Variants in AGBL1 observed in about 807,000 individuals in gnomAD.
AGBL1 encodes cytosolic carboxypeptidase 4.
A neutral mutation model predicts 118.9 loss-of-function variants in AGBL1; 130 were observed. The ratio of observed to expected loss-of-function variants is 1.09; its 90% confidence interval spans 0.95 to 1.26. The LOEUF is 1.26. Among genes scored for constraint, AGBL1 ranks in the 50% most tolerant of loss-of-function variants. The pLI is 0.00. For missense variants in AGBL1, 1,584 were observed against 1,298.1 expected (o/e 1.22, Z -3.38); for synonymous variants, 555 against 478.9 (o/e 1.16, Z -2.08).
At chr15:86,581,230 G>A (rs929459514) in intron 21 of AGBL1, among the ~76,000 whole-genome samples, 4 of 152,058 alleles carry the variant, frequency 2.6e-5, no homozygotes, top group South Asian at 2.1e-4. Context: ...CAATATATAC[G>A]ACATTTAAGC....
chr15:87,027,846 C>G (rs555419523), intron 24 of AGBL1, among the ~76,000 whole-genome samples: 3 of 151,846 alleles, frequency 2.0e-5, no homozygotes, highest in Non-Finnish European at 4.4e-5. Flanking sequence ...AACACATGGA[C>G]ACATCAAGGG....
intron 23 of AGBL1, among the ~76,000 whole-genome samples, chr15:86,923,801 A>C (rs1440083774): frequency 6.6e-6 from 1 of 152,166 alleles, no homozygotes; most frequent in Non-Finnish European, 1.5e-5. Flanking sequence ...TCCTCATTAT[A>C]TGAACTACCT....
At chr15:87,016,909 G>C (rs996327593) in intron 24 of AGBL1, among the ~76,000 whole-genome samples, 2 of 152,162 alleles carry the variant, frequency 1.3e-5, no homozygotes, top group African/African-American at 4.8e-5. Context: ...AGTCCCTGCA[G>C]AGCAGCCACT....
intron 22 of AGBL1, among the ~76,000 whole-genome samples, chr15:86,837,012 A>C (rs571864654): frequency 2.0e-5 from 3 of 152,320 alleles, no homozygotes; most frequent in Admixed American, 2.0e-4. Flanking sequence ...CAGTGCTCAC[A>C]GTTACACCTC....
chr15:86,308,830 A>G (rs1295400878), intron 17 of AGBL1, among the ~76,000 whole-genome samples: 1 of 152,176 alleles, frequency 6.6e-6, no homozygotes. Context: ...ACAGCTTTGT[A>G]GTATATTTTA....
chr15:86,484,243 A>C (rs187747988), intron 18 of AGBL1, among the ~76,000 whole-genome samples: 3 of 152,206 alleles, frequency 2.0e-5, no homozygotes, highest in Admixed American at 2.0e-4. Flanking sequence ...GGGAGAAACC[A>C]TGAGGGGAAG....
At chr15:86,764,033 A>G (rs1311528597) in intron 22 of AGBL1, among the ~76,000 whole-genome samples, 2 of 151,778 alleles carry the variant, frequency 1.3e-5, no homozygotes, top group Non-Finnish European at 2.9e-5. Flanking sequence ...GAAAGCGAAG[A>G]CAGACAGGTT....
intron 21 of AGBL1, among the ~76,000 whole-genome samples, chr15:86,559,605 G>T (rs1764266017): frequency 6.6e-6 from 1 of 152,142 alleles, no homozygotes; most frequent in Non-Finnish European, 1.5e-5. Flanking sequence ...TACTTATTGT[G>T]TGCTAAGCCC....
intron 18 of AGBL1, among the ~76,000 whole-genome samples, chr15:86,409,320 G>A (rs1251044001): frequency 2.0e-5 from 3 of 152,276 alleles, no homozygotes; most frequent in Middle Eastern, 3.4e-3. Flanking sequence ...GAACTTGTTC[G>A]TAGAGATCAA....
chr15:86,756,331 CT>C (rs1357589586), intron 22 of AGBL1, among the ~76,000 whole-genome samples: 3 of 151,838 alleles, frequency 2.0e-5, no homozygotes, highest in African/African-American at 7.3e-5. Flanking sequence ...CTTCAAATCC[CT>C]TTTCTAGAGT....
intron 19 of AGBL1, among the ~76,000 whole-genome samples, chr15:86,533,796 G>A: frequency 8.9e-6 from 1 of 112,216 alleles, no homozygotes; most frequent in Non-Finnish European, 1.7e-5. Context: ...AAAATGATGA[G>A]TTCATGTCCT....
chr15:86,797,388 G>A (rs6496365), intron 22 of AGBL1, among the ~76,000 whole-genome samples: 15,439 of 152,100 alleles, frequency 0.1, 1,483 homozygotes, highest in African/African-American at 0.23. Context: ...GGAAAACCAC[G>A]CTCATTTCAA....
At chr15:86,701,065 A>T (rs762186164) in intron 22 of AGBL1, among the ~76,000 whole-genome samples, 2 of 152,164 alleles carry the variant, frequency 1.3e-5, no homozygotes, top group Non-Finnish European at 2.9e-5. Context: ...GCACATTAAC[A>T]GTTTAACTTT....
At chr15:86,437,862 G>C (rs959307669) in intron 18 of AGBL1, among the ~76,000 whole-genome samples, 2 of 152,054 alleles carry the variant, frequency 1.3e-5, no homozygotes, top group African/African-American at 4.8e-5. Context: ...ACAGGTCAGA[G>C]TACACGATCC....
chr15:86,719,368 G>A (rs2086683482), intron 22 of AGBL1, among the ~76,000 whole-genome samples: 1 of 152,126 alleles, frequency 6.6e-6, no homozygotes, highest in African/African-American at 2.4e-5. Flanking sequence ...TACCAGCTCT[G>A]AGTAGGCATG....
At chr15:86,571,597 A>C (rs2084006938) in intron 21 of AGBL1, among the ~76,000 whole-genome samples, 1 of 152,200 alleles carries the variant, frequency 6.6e-6, no homozygotes, top group African/African-American at 2.4e-5. Flanking sequence ...ATGAGTGTCC[A>C]GCTCTCAGCA....
At chr15:86,791,944 C>A (rs1188550463) in intron 22 of AGBL1, among the ~76,000 whole-genome samples, 1 of 152,032 alleles carries the variant, frequency 6.6e-6, no homozygotes, top group Non-Finnish European at 1.5e-5. Flanking sequence ...CCATGTTGGC[C>A]AGGCTGGTCT....
chr15:86,118,697 T>C (rs1897914773), intron 1 of AGBL1, among the ~76,000 whole-genome samples: 1 of 151,998 alleles, frequency 6.6e-6, no homozygotes, highest in Admixed American at 6.6e-5. Context: ...TAGGAGTTCT[T>C]CTCTTGGATT....
intron 23 of AGBL1, among the ~76,000 whole-genome samples, chr15:86,937,890 T>C (rs1444982511): frequency 6.6e-6 from 1 of 152,240 alleles, no homozygotes; most frequent in Admixed American, 6.5e-5. Context: ...TCAATCCTTC[T>C]ACAGCCTGGA....
Sources: allele counts gnomAD v4.1 joint callset (sites outside exome capture counted in the v4.1 genomes callset), GRCh38; gene constraint gnomAD v4.1.1; transcripts MANE v1.5; gene names NCBI Gene and HGNC (gene_info 2026-07-23, HGNC 2026-07-21).